PDE4D: variants seen among roughly 807,000 people sequenced by gnomAD.
PDE4D encodes the protein phosphodiesterase 4D, also known as 3',5'-cyclic-AMP phosphodiesterase 4D.
A neutral mutation model predicts 87.4 loss-of-function variants in PDE4D; 24 were observed. The ratio of observed to expected loss-of-function variants is 0.27; its 90% CI spans 0.20 to 0.39. PDE4D has a LOEUF of 0.39. Among genes scored for constraint, PDE4D ranks in the 10% least tolerant of loss-of-function variants. The pLI is 1.00. For synonymous variants in PDE4D, 384 were observed against 383.2 expected, an observed-to-expected ratio of 1.00 and a Z score of -0.02; for missense variants, 714 against 1,041.0, an observed-to-expected ratio of 0.69 and a Z score of 4.32.
chr5:59,891,391 C>A (rs1750931104), intron 1 of PDE4D, among the ~76,000 whole-genome samples: 1 of 152,170 alleles, frequency 6.6e-6, no homozygotes, highest in Non-Finnish European at 1.5e-5. Flanking sequence ...CTCATCATCA[C>A]ACGGTATTTT....
chr5:60,212,250 AT>A (rs1359705730), intron 1 of PDE4D, among the ~76,000 whole-genome samples: 1 of 152,154 alleles, frequency 6.6e-6, no homozygotes, highest in Admixed American at 6.5e-5. Flanking sequence ...CCTGCTTAGC[AT>A]CCATTTTCTA....
chr5:60,386,011 ACT>A (rs1762166520), intron 1 of PDE4D, among the ~76,000 whole-genome samples: 2 of 152,070 alleles, frequency 1.3e-5, no homozygotes, highest in African/African-American at 4.8e-5. Flanking sequence ...ACAAGAAAGG[ACT>A]CTGCATAATT....
chr5:60,019,577 G>C (rs186513259), intron 2 of PDE4D, among the ~76,000 whole-genome samples: 53 of 152,258 alleles, frequency 3.5e-4, no homozygotes, highest in Admixed American at 3.2e-3. Context: ...CTTTTACTTT[G>C]ATGTTATGGA....
intron 1 of PDE4D, among the ~76,000 whole-genome samples, chr5:59,661,674 T>A (rs1054626658): frequency 6.6e-5 from 10 of 152,328 alleles, no homozygotes; most frequent in African/African-American, 2.2e-4. Context: ...AGACAGATTC[T>A]AGAAAAAATC....
intron 1 of PDE4D, among the ~76,000 whole-genome samples, chr5:59,718,158 G>A (rs918676912): frequency 3.9e-5 from 6 of 152,090 alleles, no homozygotes; most frequent in African/African-American, 1.2e-4. Context: ...CCTCTCTGAT[G>A]TTTGGGTCAT....
intron 1 of PDE4D, among the ~76,000 whole-genome samples, chr5:60,222,212 C>A (rs1465210438): frequency 1.3e-5 from 2 of 152,072 alleles, no homozygotes; most frequent in Non-Finnish European, 2.9e-5. Flanking sequence ...ACTCACGCAG[C>A]AGTATATGGG....
At chr5:60,489,015 T>A (rs1294516496), upstream of PDE4D, among the ~76,000 whole-genome samples, 1 of 152,228 alleles carries the variant, frequency 6.6e-6, no homozygotes, top group Non-Finnish European at 1.5e-5. Flanking sequence ...AATTACTTGT[T>A]ACACCATACT....
At chr5:60,477,776 A>T (rs1748441597) in intron 1 of PDE4D, among the ~76,000 whole-genome samples, 1 of 152,306 alleles carries the variant, frequency 6.6e-6, no homozygotes, top group Admixed American at 6.5e-5. Context: ...TCGACCCCAG[A>T]CACCACTGTG....
intron 6 of PDE4D, among the ~76,000 whole-genome samples, chr5:59,034,254 A>G (rs1000541105): frequency 1.3e-5 from 2 of 152,202 alleles, no homozygotes; most frequent in African/African-American, 2.4e-5. Context: ...CTATAATTAT[A>G]GAAGATATTT....
intron 1 of PDE4D, among the ~76,000 whole-genome samples, chr5:60,307,599 A>G (rs192876575): frequency 6.6e-6 from 1 of 152,204 alleles, no homozygotes; most frequent in East Asian, 1.9e-4. Context: ...GAACACGCCA[A>G]TGGAACTGTG....
chr5:60,232,983 G>A (rs540768183), intron 1 of PDE4D, among the ~76,000 whole-genome samples: 1 of 151,816 alleles, frequency 6.6e-6, no homozygotes, highest in East Asian at 1.9e-4. Flanking sequence ...AGAAAAATTG[G>A]GGAGGGGTAT....
chr5:59,902,566 A>G (rs73099564), intron 3 of PDE4D, among the ~76,000 whole-genome samples: 3,183 of 152,282 alleles, frequency 0.021, 113 homozygotes, highest in African/African-American at 0.073. Context: ...AGGAGCCCAC[A>G]GGTAGATACA....
intron 2 of PDE4D, among the ~76,000 whole-genome samples, chr5:60,108,663 T>C (rs1336979564): frequency 6.6e-6 from 1 of 151,922 alleles, no homozygotes; most frequent in African/African-American, 2.4e-5. Context: ...AAAACAGAGA[T>C]ATAGATCAAT....
intron 1 of PDE4D, among the ~76,000 whole-genome samples, chr5:59,239,294 T>C (rs2153521472): frequency 6.6e-6 from 1 of 152,282 alleles, no homozygotes; most frequent in East Asian, 1.9e-4. Flanking sequence ...GTTGCTGAAA[T>C]GCCTCCTCAC....
At chr5:59,668,787 G>GA (rs1350326618) in intron 1 of PDE4D, among the ~76,000 whole-genome samples, 47 of 140,124 alleles carry the variant, frequency 3.4e-4, no homozygotes, top group African/African-American at 5.2e-4. Context: ...AGAAGAAGAA[G>GA]AAGAAAGAAG....
chr5:58,997,918 C>T (rs192835006), intron 6 of PDE4D, among the ~76,000 whole-genome samples: 16 of 152,136 alleles, frequency 1.1e-4, no homozygotes, highest in Admixed American at 7.2e-4. Context: ...TTCTACATCA[C>T]GCCAGTGTGC....
intron 5 of PDE4D, among the ~76,000 whole-genome samples, chr5:59,140,793 C>G (rs907249238): frequency 2.0e-5 from 3 of 152,038 alleles, no homozygotes; most frequent in Non-Finnish European, 4.4e-5. Context: ...GGTACAGGAA[C>G]TAGAAGAGAT....
intron 1 of PDE4D, among the ~76,000 whole-genome samples, chr5:59,815,891 A>G (rs1561706732): frequency 6.6e-6 from 1 of 152,244 alleles, no homozygotes; most frequent in Admixed American, 6.5e-5. Flanking sequence ...TTTTTCATCA[A>G]GAAGACCTGA....
At chr5:59,151,444 T>C (rs781600750) in intron 5 of PDE4D, among the ~76,000 whole-genome samples, 1 of 152,178 alleles carries the variant, frequency 6.6e-6, no homozygotes, top group Non-Finnish European at 1.5e-5. Flanking sequence ...CTCACAGTTA[T>C]CTGGTTGGTT....
Sources: allele counts gnomAD v4.1 joint callset (sites outside exome capture counted in the v4.1 genomes callset), GRCh38; gene constraint gnomAD v4.1.1; transcripts MANE v1.5; gene names NCBI Gene and HGNC (gene_info 2026-07-23, HGNC 2026-07-21).